The following CNTN4 variants were observed in gnomAD, a reference collection of about 807,000 sequenced individuals.
CNTN4 encodes contactin 4, also known as contactin-4.
In CNTN4, 77 loss-of-function variants were observed where a neutral mutation model predicts 122.5. The observed-to-expected ratio is 0.63, with a 90% CI of 0.52 to 0.76. The LOEUF is 0.76. Among genes scored for constraint, CNTN4 ranks in the 30% least tolerant of loss-of-function variants. CNTN4 has a pLI of 0.00. For missense variants in CNTN4, 1,256 were observed against 1,259.1 expected (o/e 1.00, Z 0.04); for synonymous variants, 512 against 447.0 (o/e 1.15, Z -1.83).
intron 13 of CNTN4, among the ~76,000 whole-genome samples, chr3:2,965,319 G>A (rs1692197829): frequency 6.6e-6 from 1 of 152,114 alleles, no homozygotes; most frequent in Non-Finnish European, 1.5e-5. Flanking sequence ...GGCCACTGCT[G>A]CCCTAGTTCA....
intron 6 of CNTN4, among the ~76,000 whole-genome samples, chr3:2,751,200 C>G (rs954967358): frequency 6.6e-6 from 1 of 151,790 alleles, no homozygotes; most frequent in Non-Finnish European, 1.5e-5. Context: ...CCCAGCTACT[C>G]GGGAGGCTGA....
chr3:2,885,862 G>A (rs2093969209), intron 9 of CNTN4, among the ~76,000 whole-genome samples: 1 of 152,150 alleles, frequency 6.6e-6, no homozygotes, highest in South Asian at 2.1e-4. Context: ...ATTTTGTTGG[G>A]GACGTTGGAA....
intron 14 of CNTN4, among the ~76,000 whole-genome samples, chr3:2,990,713 C>T (rs539297771): frequency 9.2e-5 from 14 of 152,230 alleles, no homozygotes; most frequent in South Asian, 2.1e-4. Context: ...GGATTAAATA[C>T]GTTATAGTTG....
At chr3:2,827,739 T>C (rs2093017240) in intron 7 of CNTN4, among the ~76,000 whole-genome samples, 1 of 152,230 alleles carries the variant, frequency 6.6e-6, no homozygotes, top group Non-Finnish European at 1.5e-5. Context: ...TCTTTATATT[T>C]GCATTTTCTA....
intron 2 of CNTN4, among the ~76,000 whole-genome samples, chr3:2,222,939 A>G (rs1315038432): frequency 1.3e-5 from 2 of 152,302 alleles, no homozygotes; most frequent in African/African-American, 2.4e-5. Flanking sequence ...CTTCTAATCC[A>G]TCATAAAAGA....
rs551622550 is a variant in CNTN4, at chr3:2,498,141, A to G, written c.-88-73275A>G. 2.8e-3 allele frequency among the ~76,000 whole-genome samples: 428 copies of G among 152,316 alleles called. 2 individuals carry two copies. The highest frequency in any genetic ancestry group is 9.9e-3 in the African/African-American group (411 of 41,572). ...TCTTTATGTATTTTTGCAAATATAT[A>G]TGAATACTTATGGAGTTTGAATATA... On this transcript the variant is annotated intron_variant, in intron 3 of 24. Coordinates refer to ENST00000418658, the MANE Select transcript of CNTN4 (RefSeq NM_175607.3).
At chr3:2,622,369 G>GC (rs879472752) in intron 4 of CNTN4, among the ~76,000 whole-genome samples, 5 of 152,174 alleles carry the variant, frequency 3.3e-5, no homozygotes, top group Non-Finnish European at 5.9e-5. Flanking sequence ...TCTGCTCACT[G>GC]CAACTTCTGC....
intron 4 of CNTN4, among the ~76,000 whole-genome samples, chr3:2,657,586 G>T (rs2083649608): frequency 6.6e-6 from 1 of 152,160 alleles, no homozygotes; most frequent in African/African-American, 2.4e-5. Flanking sequence ...AAGTAAATTA[G>T]TTTTTTCTAA....
chr3:2,424,002 A>G (rs1286819948), intron 3 of CNTN4, among the ~76,000 whole-genome samples: 1 of 143,648 alleles, frequency 7.0e-6, no homozygotes, highest in Non-Finnish European at 1.5e-5. Context: ...TAATGGGTGT[A>G]GCACACCAAC....
At chr3:2,575,426 A>G (rs1283903381) in intron 4 of CNTN4, among the ~76,000 whole-genome samples, 1 of 151,594 alleles carries the variant, frequency 6.6e-6, no homozygotes, top group South Asian at 2.1e-4. Flanking sequence ...CATGAGAATC[A>G]CTTGAACCCG....
At chr3:2,695,625 T>C (rs1335554681) in intron 4 of CNTN4, among the ~76,000 whole-genome samples, 2 of 152,154 alleles carry the variant, frequency 1.3e-5, no homozygotes, top group East Asian at 3.9e-4. Context: ...GGAAGGGATG[T>C]TATAGAGAAG....
chr3:2,542,403 G>C (rs1167577972), intron 3 of CNTN4, among the ~76,000 whole-genome samples: 2 of 152,120 alleles, frequency 1.3e-5, no homozygotes, highest in Non-Finnish European at 2.9e-5. Flanking sequence ...AGCCAAGAGA[G>C]AACAGTATAG....
chr3:2,562,268 G>T (rs2078988498), intron 3 of CNTN4, among the ~76,000 whole-genome samples: 1 of 152,016 alleles, frequency 6.6e-6, no homozygotes, highest in South Asian at 2.1e-4. Context: ...TACTTGTGTG[G>T]GTTTGTTACA....
At position 2,536,229 on chromosome 3, in the gene CNTN4, A is replaced by G. The variant is rs564774131; in HGVS notation, c.-88-35187A>G. Among the ~76,000 whole-genome samples, 3 of 152,292 alleles carry G rather than the reference A, an allele frequency of 2.0e-5. No homozygotes were observed. In the East Asian group the frequency reaches 5.8e-4, roughly 29 times the overall value. On this transcript the variant is annotated intron_variant, in intron 3 of 24. Transcript: ENST00000418658. ...AACCTTTTAAAAACCATCTAGATCT[A>G]TGGGTAAATTTCAAATCCACAAAGT...
intron 3 of CNTN4, among the ~76,000 whole-genome samples, chr3:2,526,489 A>G (rs1167449970): frequency 2.0e-5 from 3 of 152,174 alleles, no homozygotes; most frequent in Non-Finnish European, 2.9e-5. Flanking sequence ...TGAAGGAAAT[A>G]TAGTTGTATA....
At chr3:2,739,875 G>C (rs1329423428) in intron 5 of CNTN4, among the ~76,000 whole-genome samples, 1 of 152,172 alleles carries the variant, frequency 6.6e-6, no homozygotes, top group Non-Finnish European at 1.5e-5. Flanking sequence ...TCTGGACAGA[G>C]TTTTCTCTGT....
At chr3:2,296,300 C>T (rs564143729) in intron 2 of CNTN4, among the ~76,000 whole-genome samples, 1 of 152,240 alleles carries the variant, frequency 6.6e-6, no homozygotes, top group South Asian at 2.1e-4. Context: ...TTGATTCTTC[C>T]TACCCATGAG....
At chr3:2,284,140 A>G (rs983999499) in intron 2 of CNTN4, among the ~76,000 whole-genome samples, 5 of 152,152 alleles carry the variant, frequency 3.3e-5, no homozygotes, top group Admixed American at 1.3e-4. Flanking sequence ...AGATGGCTAT[A>G]TGAGGTTCAG....
chr3:2,606,966 C>G (rs1054306450), intron 4 of CNTN4, among the ~76,000 whole-genome samples: 1 of 152,168 alleles, frequency 6.6e-6, no homozygotes, highest in African/African-American at 2.4e-5. Context: ...TAGCTCTATT[C>G]TTTTTCCATT....
Sources: gnomAD v4.1 joint callset for allele counts (sites outside exome capture counted in the v4.1 genomes callset) on GRCh38, gnomAD v4.1.1 for gene constraint, MANE v1.5 for transcripts, NCBI Gene and HGNC (gene_info 2026-07-23, HGNC 2026-07-21) for gene names.